CSMD1: variants seen among roughly 807,000 people sequenced by gnomAD.
CSMD1 encodes CUB and sushi domain-containing protein 1.
Under a neutral mutation model 417.5 loss-of-function variants are expected in CSMD1, and 213 were observed. The observed-to-expected ratio is 0.51, with a 90% CI of 0.46 to 0.57. The LOEUF (loss-of-function observed/expected upper bound fraction) is 0.57. Among genes scored for constraint, CSMD1 ranks in the 20% least tolerant of loss-of-function variants. CSMD1 has a pLI of 0.00. For synonymous variants in CSMD1, 2,862 were observed against 1,736.8 expected, an observed-to-expected ratio of 1.65 and a Z score of -16.11; for missense variants, 6,923 against 4,529.7, an observed-to-expected ratio of 1.53 and a Z score of -15.17.
chr8:4,974,330 C>A (rs1393578505), intron 1 of CSMD1, among the ~76,000 whole-genome samples: 1 of 152,008 alleles, frequency 6.6e-6, no homozygotes, highest in East Asian at 1.9e-4. Context: ...TTGAAGAGCA[C>A]AGTCTCACAA....
chr8:4,520,775 A>G (rs1214067531), intron 2 of CSMD1, among the ~76,000 whole-genome samples: 1 of 152,230 alleles, frequency 6.6e-6, no homozygotes, highest in Non-Finnish European at 1.5e-5. Flanking sequence ...TTTTAAATAT[A>G]GATTATTGCA....
intron 6 of CSMD1, among the ~76,000 whole-genome samples, chr8:3,748,202 A>G (rs1797150942): frequency 6.6e-6 from 1 of 152,220 alleles, no homozygotes; most frequent in Admixed American, 6.5e-5. Context: ...GATATTTAGG[A>G]AAAGTGGTTA....
At chr8:3,290,406 G>A (rs1385816314) in intron 25 of CSMD1, among the ~76,000 whole-genome samples, 9 of 144,970 alleles carry the variant, frequency 6.2e-5, no homozygotes, top group African/African-American at 8.3e-5. Flanking sequence ...GAATCTATAA[G>A]TTACCTTGGG....
chr8:4,106,546 G>C (rs916536034), intron 3 of CSMD1, among the ~76,000 whole-genome samples: 1 of 152,004 alleles, frequency 6.6e-6, no homozygotes, highest in African/African-American at 2.4e-5. Flanking sequence ...TTTAAGAGAA[G>C]CCACATTAAA....
At chr8:3,766,491 G>C (rs1052912751) in intron 5 of CSMD1, among the ~76,000 whole-genome samples, 1 of 152,096 alleles carries the variant, frequency 6.6e-6, no homozygotes, top group East Asian at 1.9e-4. Flanking sequence ...GAAACAAACA[G>C]GGAGACACCC....
intron 6 of CSMD1, among the ~76,000 whole-genome samples, chr8:3,710,152 T>A (rs5003044): frequency 2.0e-5 from 3 of 151,814 alleles, no homozygotes; most frequent in Non-Finnish European, 4.4e-5. Context: ...TTTTAGGCTA[T>A]AAGAGTTGTC....
chr8:3,736,068 A>T (rs1796507299), intron 6 of CSMD1, among the ~76,000 whole-genome samples: 1 of 152,154 alleles, frequency 6.6e-6, no homozygotes, highest in Non-Finnish European at 1.5e-5. Flanking sequence ...TGTGAAGGAG[A>T]TTAATAATAT....
chr8:3,838,484 T>C (rs1802852995), intron 5 of CSMD1, among the ~76,000 whole-genome samples: 1 of 145,204 alleles, frequency 6.9e-6, no homozygotes, highest in Admixed American at 7.1e-5. Context: ...ATATATAGCC[T>C]ATAGATATAT....
intron 5 of CSMD1, among the ~76,000 whole-genome samples, chr8:3,892,597 C>T (rs1309802908): frequency 2.0e-5 from 3 of 152,010 alleles, no homozygotes; most frequent in Non-Finnish European, 2.9e-5. Context: ...TCTGTTCTCT[C>T]CCCACTCCTA....
intron 2 of CSMD1, among the ~76,000 whole-genome samples, chr8:4,544,789 G>T (rs1290718749): frequency 6.6e-6 from 1 of 152,130 alleles, no homozygotes; most frequent in African/African-American, 2.4e-5. Flanking sequence ...TTCACTTATA[G>T]ACCAAAAACC....
intron 3 of CSMD1, among the ~76,000 whole-genome samples, chr8:4,367,922 A>G (rs1171554934): frequency 6.6e-6 from 1 of 152,128 alleles, no homozygotes; most frequent in African/African-American, 2.4e-5. Context: ...ACATTACTGA[A>G]GTTGTTTATC....
At chr8:3,823,885 T>G (rs1378457219) in intron 5 of CSMD1, among the ~76,000 whole-genome samples, 1 of 152,200 alleles carries the variant, frequency 6.6e-6, no homozygotes, top group Non-Finnish European at 1.5e-5. Flanking sequence ...ATCCTCAGTT[T>G]CATTGTAACG....
At chr8:4,612,326 T>C (rs1211245079) in intron 2 of CSMD1, among the ~76,000 whole-genome samples, 1 of 151,386 alleles carries the variant, frequency 6.6e-6, no homozygotes, top group Non-Finnish European at 1.5e-5. Flanking sequence ...AGTTCCCCAC[T>C]TTACTTAGGA....
intron 18 of CSMD1, among the ~76,000 whole-genome samples, chr8:3,379,491 C>T (rs949126726): frequency 2.0e-5 from 3 of 152,126 alleles, no homozygotes; most frequent in Non-Finnish European, 4.4e-5. Flanking sequence ...TACCTGACTT[C>T]GAACTATACT....
chr8:4,589,713 A>G (rs1296908569), intron 2 of CSMD1, among the ~76,000 whole-genome samples: 1 of 152,230 alleles, frequency 6.6e-6, no homozygotes, highest in African/African-American at 2.4e-5. Context: ...TTAGAAACAC[A>G]TGATTTCTAA....
At chr8:4,232,108 A>G (rs756470525) in intron 3 of CSMD1, among the ~76,000 whole-genome samples, 3 of 152,198 alleles carry the variant, frequency 2.0e-5, no homozygotes, top group Non-Finnish European at 4.4e-5. Flanking sequence ...CATGCTTCTG[A>G]TACTTTCAAG....
intron 12 of CSMD1, among the ~76,000 whole-genome samples, chr8:3,418,800 T>C (rs1813313405): frequency 1.3e-5 from 2 of 152,114 alleles, no homozygotes; most frequent in Admixed American, 1.3e-4. Flanking sequence ...TAGTAGGAAA[T>C]GAGAAGGAAG....
At chr8:4,044,183 T>C (rs1798033120) in intron 3 of CSMD1, among the ~76,000 whole-genome samples, 1 of 152,204 alleles carries the variant, frequency 6.6e-6, no homozygotes, top group Non-Finnish European at 1.5e-5. Context: ...TCATTCATTC[T>C]AAAAGTTGAG....
chr8:4,714,503 C>G (rs958187486), intron 1 of CSMD1, among the ~76,000 whole-genome samples: 6 of 152,102 alleles, frequency 3.9e-5, no homozygotes, highest in Non-Finnish European at 8.8e-5. Context: ...TTCAGAAATA[C>G]TTTAATAATT....
Sources: gnomAD v4.1 joint callset for allele counts (sites outside exome capture counted in the v4.1 genomes callset) on GRCh38, gnomAD v4.1.1 for gene constraint, MANE v1.5 for transcripts, NCBI Gene and HGNC (gene_info 2026-07-23, HGNC 2026-07-21) for gene names.